The following DIS3L2 variants were observed in gnomAD, a reference collection of about 807,000 sequenced individuals.
DIS3L2 encodes DIS3 like 3'-5' exoribonuclease 2.
In DIS3L2, 34 loss-of-function variants were observed where a neutral mutation model predicts 97.5. That is an observed-to-expected ratio of 0.35 (90% CI 0.27 to 0.46). The LOEUF (loss-of-function observed/expected upper bound fraction) is 0.46. DIS3L2 is among the 20% of genes least tolerant of loss of function. The pLI is 1.00. For synonymous variants in DIS3L2, 435 were observed against 445.2 expected (o/e 0.98, Z 0.29); for missense variants, 1,038 against 1,146.0 (o/e 0.91, Z 1.36).
chr2:232,185,492 G>GA (rs1317403868), intron 9 of DIS3L2, among the ~76,000 whole-genome samples: 1 of 152,078 alleles, frequency 6.6e-6, no homozygotes, highest in Non-Finnish European at 1.5e-5. Context: ...ACATTAAAAA[G>GA]AAAAAAGATC....
In DIS3L2 at chr2:232,335,416, T is replaced by C. The variant is rs548584173; in HGVS notation, c.2395-357T>C. 9.0e-3 allele frequency: 2,479 copies of C among 276,908 alleles called. 17 individuals are homozygous for C. Among genetic ancestry groups the C allele is most frequent in the African/African-American group, 0.037 (1,682 of 44,950 alleles). The allele number at this position is 276,908 out of a possible 1,614,324, so 17.2% of individuals were successfully genotyped here. ...GAAGTTCAAGCCTAGCTCACCCTGC[T>C]GTGGGCCCAGCCCTGCCTGCACTGA... On this transcript the variant is annotated intron_variant, in intron 19 of 20. Transcript: ENST00000325385.
intron 11 of DIS3L2, among the ~76,000 whole-genome samples, chr2:232,243,221 G>A (rs1693153746): frequency 6.6e-6 from 1 of 152,168 alleles, no homozygotes; most frequent in Non-Finnish European, 1.5e-5. Flanking sequence ...ACAAAAATGG[G>A]CAGAGAGGGC....
At chr2:232,028,554 C>T (rs772712888) in intron 4 of DIS3L2, among the ~76,000 whole-genome samples, 9 of 152,104 alleles carry the variant, frequency 5.9e-5, no homozygotes, top group Non-Finnish European at 1.3e-4. Context: ...AATCTCTGCG[C>T]TGCCAAAGGG....
chr2:232,062,873 C>CCCTT (rs1197928264), intron 5 of DIS3L2, among the ~76,000 whole-genome samples: 5 of 151,474 alleles, frequency 3.3e-5, no homozygotes, highest in African/African-American at 4.9e-5. Context: ...TCCCTTCCTT[C>CCCTT]CCTTCCTTCC....
chr2:232,223,760 T>C (rs190106507), intron 10 of DIS3L2, among the ~76,000 whole-genome samples: 70 of 152,244 alleles, frequency 4.6e-4, no homozygotes, highest in African/African-American at 1.5e-3. Flanking sequence ...AAAGTAAGTG[T>C]TTAGTGAAAG....
chr2:232,079,268 T>C lies in DIS3L2; in HGVS notation c.367-8219T>C, dbSNP rs548604174. ...GAAACAGAAAGTAAATAAGGAGATA[T>C]ATACTTTCAGATAGTGGTAAGTGCA... On this transcript the variant is annotated intron_variant, in intron 5 of 20. Coordinates refer to ENST00000325385, the MANE Select transcript of DIS3L2 (RefSeq NM_152383.5). Among the ~76,000 whole-genome samples, 8 of 152,222 alleles carry C rather than the reference T, an allele frequency of 5.3e-5. No homozygotes were observed. In the South Asian group the frequency reaches 8.3e-4, roughly 16 times the overall value.
At chr2:232,233,924 G>C (rs1692865048) in intron 10 of DIS3L2, among the ~76,000 whole-genome samples, 1 of 152,128 alleles carries the variant, frequency 6.6e-6, no homozygotes, top group South Asian at 2.1e-4. Context: ...ACTGACAACG[G>C]GAACCAAAAG....
intron 5 of DIS3L2, among the ~76,000 whole-genome samples, chr2:232,057,967 T>C (rs1695594881): frequency 7.9e-5 from 12 of 152,258 alleles, no homozygotes. Context: ...AAGTGTTTAC[T>C]TTAAAACAGG....
intron 3 of DIS3L2, among the ~76,000 whole-genome samples, chr2:232,018,153 C>G (rs546882716): frequency 2.6e-5 from 4 of 152,174 alleles, no homozygotes; most frequent in Non-Finnish European, 5.9e-5. Flanking sequence ...TTATACCTGT[C>G]TAGAGATAAG....
At chr2:232,084,665 T>G (rs540226997) in intron 5 of DIS3L2, among the ~76,000 whole-genome samples, 1 of 152,036 alleles carries the variant, frequency 6.6e-6, no homozygotes, top group Non-Finnish European at 1.5e-5. Context: ...CATTGACAGA[T>G]GAATGGACAA....
At chr2:232,235,641 G>T (rs1310149705) in intron 10 of DIS3L2, among the ~76,000 whole-genome samples, 1 of 152,140 alleles carries the variant, frequency 6.6e-6, no homozygotes, top group Non-Finnish European at 1.5e-5. Flanking sequence ...CACAGAGACT[G>T]AATTTAAAAT....
At chr2:232,343,290 G>A (rs1696154633) in intron 13 of DIS3L2, 1 of 1,474,490 alleles carries the variant, frequency 6.8e-7, no homozygotes, top group Admixed American at 2.0e-5. Context: ...AATTGCAAAG[G>A]CCTAGCCACA....
intron 14 of DIS3L2, among the ~76,000 whole-genome samples, chr2:232,318,874 A>G (rs1475637458): frequency 6.6e-6 from 1 of 152,196 alleles, no homozygotes; most frequent in Non-Finnish European, 1.5e-5. Context: ...AAGATCATGG[A>G]TAGAAGGAGA....
At chr2:231,975,899 CTTA>C (rs1216423599) in intron 1 of DIS3L2, among the ~76,000 whole-genome samples, 1 of 151,862 alleles carries the variant, frequency 6.6e-6, no homozygotes, top group Non-Finnish European at 1.5e-5. Context: ...TTTATTCTCA[CTTA>C]TTTCTATGTT....
At chr2:232,079,323 G>A (rs1298325462) in intron 5 of DIS3L2, among the ~76,000 whole-genome samples, 2 of 152,004 alleles carry the variant, frequency 1.3e-5, no homozygotes, top group African/African-American at 2.4e-5. Context: ...AAGGCCAGGC[G>A]CAGTGGCTCA....
intron 1 of DIS3L2, among the ~76,000 whole-genome samples, chr2:232,001,776 A>G (rs1263476255): frequency 1.5e-5 from 2 of 130,242 alleles, no homozygotes; most frequent in East Asian, 4.6e-4. Flanking sequence ...GCTGGAGTGC[A>G]GTGGCCCAGT....
intron 1 of DIS3L2, among the ~76,000 whole-genome samples, chr2:232,004,227 C>T (rs985348962): frequency 3.3e-5 from 5 of 152,218 alleles, no homozygotes; most frequent in African/African-American, 1.2e-4. Context: ...CATGCGCCAC[C>T]ACATCCCGCT....
At chr2:232,058,785 C>T (rs1304448527) in intron 5 of DIS3L2, among the ~76,000 whole-genome samples, 3 of 152,046 alleles carry the variant, frequency 2.0e-5, no homozygotes, top group Admixed American at 6.6e-5. Context: ...AGTCATTGAT[C>T]GTGAAGAATC....
chr2:232,128,127 T>G (rs1342410485), intron 6 of DIS3L2, among the ~76,000 whole-genome samples: 1 of 151,982 alleles, frequency 6.6e-6, no homozygotes, highest in Admixed American at 6.6e-5. Context: ...ATTTTTTTTT[T>G]GTATTTTTTG....
Sources: allele counts gnomAD v4.1 joint callset (sites outside exome capture counted in the v4.1 genomes callset), GRCh38; gene constraint gnomAD v4.1.1; transcripts MANE v1.5; gene names NCBI Gene and HGNC (gene_info 2026-07-23, HGNC 2026-07-21).